Variants in CTNNA2 observed in about 807,000 individuals in gnomAD.
CTNNA2 encodes the protein catenin alpha 2.
In CTNNA2, 42 loss-of-function variants were observed where a neutral mutation model predicts 101.0. That is an observed-to-expected ratio of 0.42 (90% CI 0.32 to 0.54). The LOEUF is 0.54. Ranked by LOEUF, CTNNA2 falls within the 20% of genes least tolerant of loss-of-function variation. The pLI, the probability that CTNNA2 is intolerant of heterozygous loss-of-function variation, is 0.14. For missense variants in CTNNA2, 871 were observed against 1,223.1 expected (o/e 0.71, Z 4.29); for synonymous variants, 450 against 456.4 (o/e 0.99, Z 0.18).
intron 18 of CTNNA2, among the ~76,000 whole-genome samples, chr2:80,635,424 AATG>A (rs1261416354): frequency 5.3e-5 from 8 of 152,172 alleles, no homozygotes; most frequent in Non-Finnish European, 1.2e-4. Flanking sequence ...TGAGCCCTTA[AATG>A]ATGATAGCAT....
At chr2:79,616,928 G>T (rs1678663229) in intron 1 of CTNNA2, among the ~76,000 whole-genome samples, 1 of 141,676 alleles carries the variant, frequency 7.1e-6, no homozygotes, top group Admixed American at 6.7e-5. Context: ...TCGAGACACA[G>T]TCTTGCTCCG....
At chr2:80,488,142 T>C (rs1367185929) in intron 9 of CTNNA2, among the ~76,000 whole-genome samples, 3 of 152,114 alleles carry the variant, frequency 2.0e-5, no homozygotes, top group Non-Finnish European at 4.4e-5. Flanking sequence ...TTTTGATGAG[T>C]GAATTAGTTT....
intron 4 of CTNNA2, among the ~76,000 whole-genome samples, chr2:79,478,924 A>G (rs1671080255): frequency 6.6e-6 from 1 of 152,138 alleles, no homozygotes; most frequent in Non-Finnish European, 1.5e-5. Flanking sequence ...CTTCATTTCC[A>G]CCACTGGAGC....
chr2:80,404,398 G>T (rs1400596048), intron 8 of CTNNA2, among the ~76,000 whole-genome samples: 6 of 151,526 alleles, frequency 4.0e-5, no homozygotes, highest in African/African-American at 1.5e-4. Context: ...AGTAATATAT[G>T]TAATTCTCTC....
intron 1 of CTNNA2, among the ~76,000 whole-genome samples, chr2:79,550,474 C>T (rs1674029415): frequency 1.3e-5 from 2 of 152,096 alleles, no homozygotes; most frequent in Non-Finnish European, 2.9e-5. Context: ...AGGATGTAGG[C>T]CTCACACCAC....
chr2:79,457,133 C>T (rs1372950844), intron 4 of CTNNA2, among the ~76,000 whole-genome samples: 1 of 149,120 alleles, frequency 6.7e-6, no homozygotes, highest in East Asian at 2.0e-4. Context: ...ACCCGGGAGG[C>T]GGAGCTTGCA....
intron 7 of CTNNA2, among the ~76,000 whole-genome samples, chr2:80,344,550 T>C: frequency 6.6e-6 from 1 of 152,176 alleles, no homozygotes; most frequent in East Asian, 1.9e-4. Flanking sequence ...AGTGCCATGA[T>C]CTTGGCTCAC....
At chr2:80,121,154 G>A (rs187595379) in intron 7 of CTNNA2, among the ~76,000 whole-genome samples, 1 of 152,316 alleles carries the variant, frequency 6.6e-6, no homozygotes, top group African/African-American at 2.4e-5. Flanking sequence ...AGTGAAAATA[G>A]CAGGCTCTCA....
intron 7 of CTNNA2, among the ~76,000 whole-genome samples, chr2:79,913,416 G>A (rs756649512): frequency 1.1e-4 from 17 of 152,132 alleles, no homozygotes; most frequent in Admixed American, 3.9e-4. Context: ...AGGAGATGGC[G>A]TCTGTATGGT....
chr2:80,151,305 T>C (rs1375780490), intron 7 of CTNNA2, among the ~76,000 whole-genome samples: 4 of 152,208 alleles, frequency 2.6e-5, no homozygotes, highest in Non-Finnish European at 4.4e-5. Context: ...CAACTAGAAA[T>C]GGAGTTTAGT....
intron 3 of CTNNA2, among the ~76,000 whole-genome samples, chr2:79,332,609 A>G (rs1676900171): frequency 6.6e-6 from 1 of 152,232 alleles, no homozygotes; most frequent in Admixed American, 6.5e-5. Flanking sequence ...CATGTCATGT[A>G]GAAACATACG....
At chr2:79,621,304 T>C (rs552160913) in intron 1 of CTNNA2, among the ~76,000 whole-genome samples, 62 of 152,256 alleles carry the variant, frequency 4.1e-4, no homozygotes, top group Non-Finnish European at 7.5e-4. Flanking sequence ...CATTCTCCAA[T>C]AAAAGGAACC....
At chr2:80,082,158 C>T (rs922040491) in intron 7 of CTNNA2, among the ~76,000 whole-genome samples, 2 of 152,066 alleles carry the variant, frequency 1.3e-5, no homozygotes, top group African/African-American at 2.4e-5. Context: ...CATATTTTGT[C>T]ATCTGATGCT....
At chr2:79,735,527 ATATT>A (rs1670812826) in intron 2 of CTNNA2, among the ~76,000 whole-genome samples, 1 of 152,134 alleles carries the variant, frequency 6.6e-6, no homozygotes, top group African/African-American at 2.4e-5. Flanking sequence ...CCAATCATAG[ATATT>A]TATTTGGGGA....
At chr2:80,092,618 C>T (rs1699855785) in intron 7 of CTNNA2, among the ~76,000 whole-genome samples, 1 of 152,108 alleles carries the variant, frequency 6.6e-6, no homozygotes, top group Non-Finnish European at 1.5e-5. Flanking sequence ...TAGAAGACTG[C>T]CCATCCCACC....
intron 4 of CTNNA2, among the ~76,000 whole-genome samples, chr2:79,503,653 T>C (rs1273242995): frequency 6.6e-6 from 1 of 152,182 alleles, no homozygotes; most frequent in Non-Finnish European, 1.5e-5. Flanking sequence ...TTACTAGACA[T>C]CATATATGAT....
chr2:80,033,414 A>C (rs1444004934), intron 7 of CTNNA2, among the ~76,000 whole-genome samples: 2 of 151,876 alleles, frequency 1.3e-5, no homozygotes, highest in Non-Finnish European at 2.9e-5. Context: ...TCCACAAAAA[A>C]AATTAGAAAT....
chr2:80,162,896 G>A lies in CTNNA2; in HGVS notation c.1057-230315G>A, dbSNP rs541524431. On this transcript the variant is annotated intron_variant, in intron 7 of 18. Transcript: ENST00000402739. ...AAGTCATGTTATCCCTAGTCCTTTC[G>A]TACCTGCTAGGAGTTGTGGAGGTAG... 2.1e-4 allele frequency: 332 copies of A among 1,574,936 alleles called. 1 individual carries two copies. The highest frequency in any genetic ancestry group is 4.5e-4 in the African/African-American group (33 of 74,030).
chr2:79,835,686 T>G (rs1272569746), intron 3 of CTNNA2, among the ~76,000 whole-genome samples: 5 of 134,836 alleles, frequency 3.7e-5, no homozygotes, highest in African/African-American at 8.4e-5. Context: ...TTTTTTTTTT[T>G]TTTTTTTTTT....
Sources: allele counts gnomAD v4.1 joint callset (sites outside exome capture counted in the v4.1 genomes callset), GRCh38; gene constraint gnomAD v4.1.1; transcripts MANE v1.5; gene names NCBI Gene and HGNC (gene_info 2026-07-23, HGNC 2026-07-21).